Variants in PHEX observed in about 807,000 individuals in gnomAD.
The protein encoded by PHEX is phosphate-regulating neutral endopeptidase PHEX.
PHEX carries 16 observed loss-of-function variants against 68.0 expected under a neutral mutation model. The ratio of observed to expected loss-of-function variants is 0.24; its 90% CI spans 0.16 to 0.36. The LOEUF (loss-of-function observed/expected upper bound fraction) is 0.36, where lower values mean the gene tolerates loss of function less well. Ranked by LOEUF, PHEX falls within the 10% of genes least tolerant of loss-of-function variation. The probability of loss-of-function intolerance (pLI) is 1.00; values close to 1 mark genes in which losing one functional copy is unlikely to be tolerated. For synonymous variants in PHEX, 208 were observed against 205.1 expected (o/e 1.01, Z -0.12); for missense variants, 480 against 575.5 (o/e 0.83, Z 1.70).
At chrX:22,193,253 AC>A (rs1300339286) in intron 15 of PHEX, among the ~76,000 whole-genome samples, 2 of 110,854 alleles carry the variant, frequency 1.8e-5, no homozygotes, top group South Asian at 3.8e-4. Flanking sequence ...TCACTTAAAA[AC>A]GTTTTATTGT....
At chrX:22,080,344 C>T (rs995735472) in intron 5 of PHEX, among the ~76,000 whole-genome samples, 1 of 111,633 alleles carries the variant, frequency 9.0e-6, no homozygotes, top group Middle Eastern at 4.6e-3. Flanking sequence ...CATTTGAGTG[C>T]GGCAAACGTT....
At chrX:22,106,792 A>AAC (rs1556028247) in intron 9 of PHEX, among the ~76,000 whole-genome samples, 5 of 108,016 alleles carry the variant, frequency 4.6e-5, no homozygotes, top group Non-Finnish European at 9.5e-5. Context: ...AAAAAAAAAA[A>AAC]AAAACCAAAT....
intron 20 of PHEX, among the ~76,000 whole-genome samples, chrX:22,238,455 C>T (rs1006451052): frequency 1.8e-5 from 2 of 110,632 alleles, no homozygotes; most frequent in African/African-American, 6.5e-5. Flanking sequence ...CCAGGAGATT[C>T]CTTACAGTAC....
At chrX:22,160,959 C>T (rs1933104306) in intron 12 of PHEX, among the ~76,000 whole-genome samples, 1 of 109,677 alleles carries the variant, frequency 9.1e-6, no homozygotes, top group Non-Finnish European at 1.9e-5. Flanking sequence ...CATGATGAAA[C>T]TCCGTCTCTA....
chrX:22,208,242 A>C (rs997720994), intron 15 of PHEX, among the ~76,000 whole-genome samples: 1 of 111,546 alleles, frequency 9.0e-6, no homozygotes, highest in Non-Finnish European at 1.9e-5. Flanking sequence ...TATTTTACAG[A>C]CTTTTAAGGA....
intron 5 of PHEX, among the ~76,000 whole-genome samples, chrX:22,082,201 T>C (rs1401861168): frequency 8.9e-6 from 1 of 112,386 alleles, no homozygotes; most frequent in African/African-American, 3.2e-5. Context: ...TATAATCAAA[T>C]CATGGTAACT....
At chrX:22,075,393 G>A (rs1369356818) in intron 3 of PHEX, among the ~76,000 whole-genome samples, 1 of 97,675 alleles carries the variant, frequency 1.0e-5, no homozygotes, top group African/African-American at 3.8e-5. Context: ...CGTACATTTT[G>A]TCTTGAAGCT....
intron 9 of PHEX, among the ~76,000 whole-genome samples, chrX:22,100,512 G>A (rs191435942): frequency 7.2e-5 from 8 of 111,769 alleles, no homozygotes; most frequent in Middle Eastern, 4.6e-3. Context: ...GAAAGGTGGA[G>A]TTTGGCCTGC....
intron 15 of PHEX, among the ~76,000 whole-genome samples, chrX:22,211,504 A>G (rs191461255): frequency 8.0e-4 from 90 of 112,548 alleles, no homozygotes; most frequent in Non-Finnish European, 1.2e-3. Flanking sequence ...CCAAAATTAC[A>G]TAGTTTGTAT....
chrX:22,228,197 CTCTG>C (rs1935576178), intron 20 of PHEX, among the ~76,000 whole-genome samples: 1 of 112,290 alleles, frequency 8.9e-6, no homozygotes. Flanking sequence ...GAGCCTGAGT[CTCTG>C]TCTAATGAGG....
intron 11 of PHEX, among the ~76,000 whole-genome samples, chrX:22,119,404 T>C (rs994765441): frequency 3.6e-5 from 4 of 111,231 alleles, no homozygotes; most frequent in Admixed American, 9.6e-5. Flanking sequence ...CCCTAGAGAA[T>C]TGATGATATA....
chrX:22,200,895 T>A (rs1264533793), intron 15 of PHEX, among the ~76,000 whole-genome samples: 1 of 111,212 alleles, frequency 9.0e-6, no homozygotes, highest in African/African-American at 3.3e-5. Flanking sequence ...CAGTTCATTA[T>A]TGCCTCTTCT....
chrX:22,103,000 C>T (rs1332077411), intron 9 of PHEX, among the ~76,000 whole-genome samples: 1 of 112,014 alleles, frequency 8.9e-6, no homozygotes, highest in East Asian at 2.8e-4. Context: ...CAATTCTATG[C>T]GTTGTTCCCA....
intron 20 of PHEX, among the ~76,000 whole-genome samples, chrX:22,228,337 T>TATGA (rs1935583077): frequency 8.9e-6 from 1 of 111,814 alleles, no homozygotes; most frequent in Non-Finnish European, 1.9e-5. Flanking sequence ...GGCAAATGTG[T>TATGA]ATGAATATGC....
chrX:22,238,329 G>C (rs1225423560), intron 20 of PHEX, among the ~76,000 whole-genome samples: 1 of 111,810 alleles, frequency 8.9e-6, no homozygotes, highest in Non-Finnish European at 1.9e-5. Context: ...GGAAGCACAA[G>C]GGGTTGGGGG....
At chrX:22,102,434 T>G (rs1230100244) in intron 9 of PHEX, among the ~76,000 whole-genome samples, 6 of 112,499 alleles carry the variant, frequency 5.3e-5, no homozygotes, top group Admixed American at 2.8e-4. Flanking sequence ...TGGTCCTCCG[T>G]TGTGTATATG....
intron 18 of PHEX, among the ~76,000 whole-genome samples, chrX:22,226,081 T>C (rs937265453): frequency 8.9e-6 from 1 of 112,283 alleles, no homozygotes; most frequent in Non-Finnish European, 1.9e-5. Flanking sequence ...ACTCAAATTA[T>C]GTGAGTTAAT....
At position 22,249,455 on chromosome X, in the gene PHEX, A is replaced by AAAAAATATATATATATATATATATAT; in HGVS notation, c.*1503_*1504insAAAATATATATATATATATATATATA. 7.5e-5 allele frequency: 3 copies of AAAAAATATATATATATATATATATAT among 39,756 alleles called. No individual in the cohort carries two copies. Among genetic ancestry groups the AAAAAATATATATATATATATATATAT allele is most frequent in the African/African-American group, 1.7e-4 (1 of 6,015 alleles). The allele number at this position is 39,756 out of a possible 1,213,427, so 3.3% of individuals were successfully genotyped here. ...TTGTGATTCTTTTAAAAAAAAAAAA[A>AAAAAATATATATATATATATATATAT]ATATATATATATATATATATATATA... On this transcript the variant is annotated 3_prime_UTR_variant, in exon 22 of 22. Coordinates refer to ENST00000379374, the MANE Select transcript of PHEX (RefSeq NM_000444.6).
At chrX:22,223,334 G>A (rs1034713812) in intron 18 of PHEX, among the ~76,000 whole-genome samples, 14 of 111,226 alleles carry the variant, frequency 1.3e-4, no homozygotes, top group Admixed American at 2.9e-4. Context: ...GTTCCTTTTC[G>A]TAGCTGTTGA....
Sources: allele counts gnomAD v4.1 joint callset (sites outside exome capture counted in the v4.1 genomes callset), GRCh38; gene constraint gnomAD v4.1.1; transcripts MANE v1.5; gene names NCBI Gene and HGNC (gene_info 2026-07-23, HGNC 2026-07-21).